LMBRD1: variants seen among roughly 807,000 people sequenced by gnomAD.
LMBRD1 encodes the protein LMBR1 domain containing 1.
Under a neutral mutation model 74.8 loss-of-function variants are expected in LMBRD1, and 64 were observed. That is an observed-to-expected ratio of 0.86 (90% confidence interval 0.70 to 1.05). LMBRD1 has a LOEUF of 1.05. LMBRD1 is among the 50% of genes least tolerant of loss of function. LMBRD1 has a pLI of 0.00. For synonymous variants in LMBRD1, 204 were observed against 216.3 expected (o/e 0.94, Z 0.50); for missense variants, 652 against 645.9 (o/e 1.01, Z -0.10).
At chr6:69,700,952 T>C in intron 11 of LMBRD1, 83 bp from the exon 12 acceptor site, 1 of 931,642 alleles carries the variant, frequency 1.1e-6, no homozygotes, top group Non-Finnish European at 1.5e-6. Context: ...AAAACTTCAT[T>C]ATTCTCATCC....
chr6:69,683,272 T>C (rs1162965000), intron 14 of LMBRD1, among the ~76,000 whole-genome samples: 2 of 152,022 alleles, frequency 1.3e-5, no homozygotes, highest in African/African-American at 4.8e-5. Flanking sequence ...ATAAGATCAC[T>C]GAGGCCCTCT....
At chr6:69,785,129 C>G (rs766719211) in intron 2 of LMBRD1, among the ~76,000 whole-genome samples, 1 of 152,204 alleles carries the variant, frequency 6.6e-6, no homozygotes, top group East Asian at 1.9e-4. Context: ...CTTCACCTCT[C>G]AACACCACTG....
At chr6:69,725,559 A>G (rs73485538) in intron 7 of LMBRD1, among the ~76,000 whole-genome samples, 17,598 of 152,060 alleles carry the variant, frequency 0.12, 2,815 homozygotes, top group African/African-American at 0.36. Context: ...GGAACAGAAT[A>G]GAGAACCCAC....
intron 14 of LMBRD1, among the ~76,000 whole-genome samples, chr6:69,695,466 G>A (rs1199639974): frequency 6.6e-6 from 1 of 151,972 alleles, no homozygotes; most frequent in African/African-American, 2.4e-5. Context: ...GTACCCCTGA[G>A]GGATTGGTTC....
chr6:69,740,626 A>C (rs1767080998), intron 6 of LMBRD1, among the ~76,000 whole-genome samples: 1 of 152,204 alleles, frequency 6.6e-6, no homozygotes, highest in South Asian at 2.1e-4. Context: ...GAAAATTAAG[A>C]ACTCATACAG....
intron 3 of LMBRD1, among the ~76,000 whole-genome samples, chr6:69,777,041 G>A (rs1228438204): frequency 6.6e-5 from 10 of 152,062 alleles, no homozygotes; most frequent in African/African-American, 1.7e-4. Flanking sequence ...GCAGCTACTC[G>A]GGAGGCCGAG....
intron 2 of LMBRD1, among the ~76,000 whole-genome samples, chr6:69,789,492 A>G (rs1766033183): frequency 6.6e-6 from 1 of 152,040 alleles, no homozygotes; most frequent in Admixed American, 6.6e-5. Flanking sequence ...ATGCCACTGT[A>G]CTCCAGCCTG....
intron 3 of LMBRD1, among the ~76,000 whole-genome samples, chr6:69,770,155 C>T (rs1765549028): frequency 6.6e-6 from 1 of 152,176 alleles, no homozygotes; most frequent in Non-Finnish European, 1.5e-5. Context: ...CCTCTCCGCT[C>T]ACCTGACTCC....
intron 7 of LMBRD1, among the ~76,000 whole-genome samples, chr6:69,728,375 A>G (rs1342016477): frequency 1.3e-5 from 2 of 152,222 alleles, no homozygotes; most frequent in African/African-American, 4.8e-5. Flanking sequence ...AAACCACATC[A>G]TTCATATTAT....
chr6:69,682,051 A>G (rs1352657240), intron 14 of LMBRD1, among the ~76,000 whole-genome samples: 1 of 151,898 alleles, frequency 6.6e-6, no homozygotes, highest in African/African-American at 2.4e-5. Flanking sequence ...AGGATTTAAA[A>G]TCCTAATGTT....
chr6:69,714,572 A>G (rs972983962), intron 8 of LMBRD1, among the ~76,000 whole-genome samples: 1 of 152,160 alleles, frequency 6.6e-6, no homozygotes, highest in African/African-American at 2.4e-5. Flanking sequence ...GGAACAAGAA[A>G]AATATTTGTA....
At chr6:69,701,577 T>C in intron 10 of LMBRD1, 32 bp from the exon 11 acceptor site, 1 of 1,321,136 alleles carries the variant, frequency 7.6e-7, no homozygotes, top group Non-Finnish European at 1.1e-6. Context: ...GAAATTTATG[T>C]TATACTATCA....
At chr6:69,779,641 T>G (rs943537642) in intron 3 of LMBRD1, among the ~76,000 whole-genome samples, 1 of 152,232 alleles carries the variant, frequency 6.6e-6, no homozygotes, top group Middle Eastern at 3.4e-3. Context: ...TTGGTAATGA[T>G]AAAAGGAGAG....
At chr6:69,771,384 G>C (rs1765574636) in intron 3 of LMBRD1, among the ~76,000 whole-genome samples, 1 of 152,176 alleles carries the variant, frequency 6.6e-6, no homozygotes, top group Non-Finnish European at 1.5e-5. Flanking sequence ...TGGTTAATAT[G>C]AGCAAGCAAG....
At position 69,676,288 on chromosome 6, in the gene LMBRD1, G is replaced by C. The variant is rs149064101; in HGVS notation, c.1510-17C>G. On this transcript the variant is annotated splice_polypyrimidine_tract_variant and intron_variant, in intron 15 of 15. Coordinates refer to ENST00000649934, the MANE Select transcript of LMBRD1 (RefSeq NM_018368.4). ...CAAAAATACCTGTAAATTTAAATAA[G>C]CCATGTGTTATTTTTCAAATTTAAA... The C allele has an allele frequency of 1.2e-6, 2 of 1,608,660 alleles. No homozygotes were observed. The highest frequency in any genetic ancestry group is 2.7e-5 in the African/African-American group (2 of 74,690).
chr6:69,721,295 T>G (rs1766609413), intron 7 of LMBRD1, among the ~76,000 whole-genome samples: 1 of 152,106 alleles, frequency 6.6e-6, no homozygotes, highest in Non-Finnish European at 1.5e-5. Context: ...CCCAACCCCA[T>G]GAAGTGCAGC....
chr6:69,749,238 A>G, intron 5 of LMBRD1, 103 bp downstream of exon 5: 1 of 885,058 alleles, frequency 1.1e-6, no homozygotes, highest in South Asian at 1.6e-5. Context: ...CTTTTTTCTT[A>G]CATTTTTTTC....
At chr6:69,720,280 A>G (rs1248878210) in intron 7 of LMBRD1, among the ~76,000 whole-genome samples, 1 of 152,228 alleles carries the variant, frequency 6.6e-6, no homozygotes, top group Non-Finnish European at 1.5e-5. Flanking sequence ...GTATTTAGAT[A>G]CTTACCTAGC....
intron 3 of LMBRD1, among the ~76,000 whole-genome samples, chr6:69,764,353 C>A (rs1582137948): frequency 6.7e-6 from 1 of 149,380 alleles, no homozygotes; most frequent in African/African-American, 2.4e-5. Context: ...CTCTCTCTCT[C>A]TATGCCATGT....
Sources: gnomAD v4.1 joint callset for allele counts (sites outside exome capture counted in the v4.1 genomes callset) on GRCh38, gnomAD v4.1.1 for gene constraint, MANE v1.5 for transcripts, NCBI Gene and HGNC (gene_info 2026-07-23, HGNC 2026-07-21) for gene names.